VPS41: variants seen among roughly 807,000 people sequenced by gnomAD.
The protein encoded by VPS41 is vacuolar protein sorting-associated protein 41 homolog.
In VPS41, 85 loss-of-function variants were observed where a neutral mutation model predicts 130.9. That is an observed-to-expected ratio of 0.65 (90% CI 0.55 to 0.78). The LOEUF (loss-of-function observed/expected upper bound fraction) is 0.78. Among genes scored for constraint, VPS41 ranks in the 30% least tolerant of loss-of-function variants. The pLI, the probability that VPS41 is intolerant of heterozygous loss-of-function variation, is 0.00. For missense variants in VPS41, 874 were observed against 1,018.7 expected (o/e 0.86, Z 1.93); for synonymous variants, 335 against 332.9 (o/e 1.01, Z -0.07).
At chr7:38,746,279 A>G (rs570515102) in intron 22 of VPS41, among the ~76,000 whole-genome samples, 1 of 151,908 alleles carries the variant, frequency 6.6e-6, no homozygotes, top group South Asian at 2.1e-4. Context: ...AAGACCTACT[A>G]TATATTGATA....
chr7:38,732,889 A>G (rs1795695979), intron 25 of VPS41, among the ~76,000 whole-genome samples: 1 of 152,190 alleles, frequency 6.6e-6, no homozygotes, highest in South Asian at 2.1e-4. Context: ...GTACAGTAGC[A>G]TGATCAGAAC....
At chr7:38,792,946 C>A (rs970971795) in intron 9 of VPS41, among the ~76,000 whole-genome samples, 3 of 152,114 alleles carry the variant, frequency 2.0e-5, no homozygotes, top group African/African-American at 4.8e-5. Flanking sequence ...TGCACTCCTG[C>A]TCCTTCTGCT....
At position 38,761,578 on chromosome 7, in the gene VPS41, C is replaced by T. The variant is rs777716084; in HGVS notation, c.1422+1877G>A. On this transcript the variant is annotated intron_variant, in intron 17 of 28. Transcript: ENST00000310301. ...AAAGTGCTGGGATTACAGGGGTGAG[C>T]CACCACACACAGCCTCTTTCTTTCT... Among the ~76,000 whole-genome samples the T allele has an allele frequency of 2.6e-4, 38 of 146,590 alleles. 1 individual carries two copies. Among genetic ancestry groups the T allele is most frequent in the Non-Finnish European group, 4.3e-4 (29 of 67,178 alleles).
intron 4 of VPS41, among the ~76,000 whole-genome samples, chr7:38,840,332 C>T (rs1336307717): frequency 6.6e-6 from 1 of 152,194 alleles, no homozygotes; most frequent in African/African-American, 2.4e-5. Flanking sequence ...TTACCTAGCA[C>T]ATCAGTACTC....
chr7:38,764,312 G>A (rs1037075541), intron 16 of VPS41, among the ~76,000 whole-genome samples: 5 of 152,230 alleles, frequency 3.3e-5, no homozygotes, highest in African/African-American at 7.2e-5. Flanking sequence ...GAGCAAAGGC[G>A]TGGAGCCATG....
At chr7:38,894,673 C>G (rs549811810) in intron 2 of VPS41, among the ~76,000 whole-genome samples, 2 of 152,224 alleles carry the variant, frequency 1.3e-5, no homozygotes, top group South Asian at 2.1e-4. Flanking sequence ...ATTTTTCACA[C>G]GAGGAAACTG....
At chr7:38,763,327 G>C in intron 17 of VPS41, 128 bp downstream of exon 17, 1 of 532,912 alleles carries the variant, frequency 1.9e-6, no homozygotes, top group Non-Finnish European at 3.1e-6. Context: ...CTCTAGCTCA[G>C]TTTCACCTGC....
intron 2 of VPS41, among the ~76,000 whole-genome samples, chr7:38,881,230 C>G (rs1359758695): frequency 6.6e-6 from 1 of 152,198 alleles, no homozygotes; most frequent in African/African-American, 2.4e-5. Context: ...CCTTTCCTCT[C>G]CTTTTCCAGC....
intron 24 of VPS41, 92 bp from the exon 25 acceptor site, chr7:38,742,213 C>A: frequency 8.0e-7 from 1 of 1,251,802 alleles, no homozygotes; most frequent in Non-Finnish European, 1.1e-6. Flanking sequence ...AATTTTAGAT[C>A]AAAAGTAACT....
At chr7:38,895,444 C>A (rs1189720017) in intron 2 of VPS41, among the ~76,000 whole-genome samples, 1 of 146,724 alleles carries the variant, frequency 6.8e-6, no homozygotes, top group Non-Finnish European at 1.5e-5. Context: ...TTTTCTGCTA[C>A]TGAAACCTCT....
At chr7:38,772,903 G>C (rs755294444) in intron 12 of VPS41, among the ~76,000 whole-genome samples, 3 of 150,770 alleles carry the variant, frequency 2.0e-5, no homozygotes, top group Non-Finnish European at 4.4e-5. Context: ...AGAAAGGGAG[G>C]GAATGACATA....
intron 10 of VPS41, among the ~76,000 whole-genome samples, chr7:38,785,538 A>C (rs1488577474): frequency 6.6e-6 from 1 of 152,230 alleles, no homozygotes; most frequent in East Asian, 1.9e-4. Context: ...CTCATCTACC[A>C]AATTTTAGTC....
intron 10 of VPS41, among the ~76,000 whole-genome samples, chr7:38,786,559 G>A (rs1463809704): frequency 6.6e-6 from 1 of 152,088 alleles, no homozygotes; most frequent in Non-Finnish European, 1.5e-5. Flanking sequence ...ACGTAATAAA[G>A]CAAATATAGT....
intron 17 of VPS41, among the ~76,000 whole-genome samples, chr7:38,763,099 T>A (rs769929187): frequency 2.0e-5 from 3 of 152,166 alleles, no homozygotes; most frequent in Non-Finnish European, 4.4e-5. Context: ...AAGTTTGTAC[T>A]CTTCTCCATC....
At chr7:38,762,953 G>C (rs1402861634) in intron 17 of VPS41, among the ~76,000 whole-genome samples, 1 of 151,924 alleles carries the variant, frequency 6.6e-6, no homozygotes, top group Non-Finnish European at 1.5e-5. Flanking sequence ...ATTTTTAAAA[G>C]TTTCATGAAA....
intron 2 of VPS41, among the ~76,000 whole-genome samples, chr7:38,874,702 A>C (rs1357109130): frequency 6.6e-6 from 1 of 152,178 alleles, no homozygotes; most frequent in African/African-American, 2.4e-5. Flanking sequence ...CCTTTCATGC[A>C]GTTTGAACTT....
In VPS41 at chr7:38,804,840, A is replaced by G. The variant is rs37477; in HGVS notation, c.451-7976T>C. Among the ~76,000 whole-genome samples the G allele has an allele frequency of 7.2e-3, 1,094 of 152,334 alleles. 9 individuals are homozygous for G. Among genetic ancestry groups the G allele is most frequent in the Middle Eastern group, 0.024 (7 of 294 alleles). Reference sequence around the variant, plus strand: ...AAGTGCGATTTCAGAAATGACTAGGACACTTTCTAAGTAATTTTACCACTT... The same window carrying G: ...AAGTGCGATTTCAGAAATGACTAGGGCACTTTCTAAGTAATTTTACCACTT... On this transcript the variant is annotated intron_variant, in intron 7 of 28. Coordinates refer to ENST00000310301, the MANE Select transcript of VPS41 (RefSeq NM_014396.4).
chr7:38,827,121 A>G (rs1371119983), intron 5 of VPS41, among the ~76,000 whole-genome samples: 1 of 152,184 alleles, frequency 6.6e-6, no homozygotes, highest in Non-Finnish European at 1.5e-5. Context: ...CTGGCCAAAA[A>G]GTTCTAATTT....
At position 38,771,280 on chromosome 7, in the gene VPS41, T is replaced by A. The variant is rs761451088; in HGVS notation, c.1129-26A>T. 1.6e-4 allele frequency: 210 copies of A among 1,298,402 alleles called. No individual in the cohort carries two copies. Among genetic ancestry groups the A allele is most frequent in the Middle Eastern group, 2.1e-4 (1 of 4,790 alleles). 80.4% of individuals were successfully genotyped at this position (1,298,402 alleles called of 1,614,324 possible). A position where few individuals can be genotyped will look rare whatever the true frequency, so the allele number is the denominator to read the frequency against. ...CTTTATTCCAAACATAAGGATGATTTAAAAAAAAAAAAAAGCAGAAAAGGA... is the reference window on the plus strand; with the variant it reads ...CTTTATTCCAAACATAAGGATGATTAAAAAAAAAAAAAAAGCAGAAAAGGA... On this transcript the variant is annotated intron_variant, in intron 13 of 28. Transcript: ENST00000310301.
Sources: allele counts gnomAD v4.1 joint callset (sites outside exome capture counted in the v4.1 genomes callset), GRCh38; gene constraint gnomAD v4.1.1; transcripts MANE v1.5; gene names NCBI Gene and HGNC (gene_info 2026-07-23, HGNC 2026-07-21).